Variants in FLACC1 observed in about 807,000 individuals in gnomAD.
FLACC1 encodes flagellum associated containing coiled-coil domains 1, also known as flagellum-associated coiled-coil domain-containing protein 1.
In FLACC1, 66 loss-of-function variants were observed where a neutral mutation model predicts 62.8. That is an observed-to-expected ratio of 1.05 (90% CI 0.86 to 1.29). The LOEUF is 1.29. Ranked by LOEUF, FLACC1 falls within the 50% of genes most tolerant of loss-of-function variation. The pLI, the probability that FLACC1 is intolerant of heterozygous loss-of-function variation, is 0.00. For missense variants in FLACC1, 452 were observed against 489.1 expected (o/e 0.92, Z 0.71); for synonymous variants, 156 against 161.0 (o/e 0.97, Z 0.24).
chr2:201,363,989 C>T, the FLACC1 span, among the ~76,000 whole-genome samples: 34,120 of 152,150 alleles, frequency 0.22, 4,198 homozygotes, highest in Non-Finnish European at 0.27. Flanking sequence ...CCCTCCCTCC[C>T]TGTGTCTGAG....
At chr2:201,344,491 C>T (rs1950875582) in intron 5 of FLACC1, among the ~76,000 whole-genome samples, 1 of 152,136 alleles carries the variant, frequency 6.6e-6, no homozygotes, top group African/African-American at 2.4e-5. Flanking sequence ...TGTGGGTAAG[C>T]TCACTAGACT....
At chr2:201,356,388 G>C (rs1263281127) in intron 1 of FLACC1, among the ~76,000 whole-genome samples, 1 of 152,174 alleles carries the variant, frequency 6.6e-6, no homozygotes, top group African/African-American at 2.4e-5. Context: ...TCAAACTCCT[G>C]ACTTCAGGTG....
At chr2:201,294,270 CAAT>C (rs1949806791) in intron 12 of FLACC1, among the ~76,000 whole-genome samples, 1 of 152,152 alleles carries the variant, frequency 6.6e-6, no homozygotes, top group African/African-American at 2.4e-5. Context: ...CAAAAATCCT[CAAT>C]AAAATACTGG....
At chr2:201,295,293 G>T (rs980227910) in intron 12 of FLACC1, among the ~76,000 whole-genome samples, 2 of 152,134 alleles carry the variant, frequency 1.3e-5, no homozygotes, top group Non-Finnish European at 2.9e-5. Context: ...AAAACAGCAT[G>T]GTACTGGTAC....
chr2:201,342,676 C>T (rs1245675535), intron 6 of FLACC1, among the ~76,000 whole-genome samples: 2 of 152,220 alleles, frequency 1.3e-5, no homozygotes, highest in Non-Finnish European at 2.9e-5. Flanking sequence ...AATGTTGGTG[C>T]ATCTCTTTCA....
intron 9 of FLACC1, among the ~76,000 whole-genome samples, chr2:201,320,829 C>A (rs1950389759): frequency 1.3e-5 from 2 of 152,180 alleles, no homozygotes; most frequent in Non-Finnish European, 2.9e-5. Context: ...CCAGAGTAAC[C>A]CCTCTGGACA....
At chr2:201,344,315 A>G (rs1226172427) in intron 5 of FLACC1, 52 bp from the exon 6 acceptor site, 1 of 1,451,462 alleles carries the variant, frequency 6.9e-7, no homozygotes, top group Non-Finnish European at 9.6e-7. Context: ...ATTCCATGCC[A>G]TTCAGGCCCC....
At chr2:201,342,454 C>T in intron 6 of FLACC1, 23 bp from the exon 7 acceptor site, 1 of 1,613,180 alleles carries the variant, frequency 6.2e-7, no homozygotes, top group Non-Finnish European at 8.5e-7. Context: ...TCAGCATCTA[C>T]AACACAGGAC....
Position 201,308,262 on chromosome 2 carries a change from G to A in FLACC1, c.776-640C>T, listed in dbSNP as rs145895136. Among the ~76,000 whole-genome samples, 11 of 152,282 alleles carry A rather than the reference G, an allele frequency of 7.2e-5. No individual in the cohort carries two copies. In the East Asian group the frequency reaches 1.7e-3, roughly 24 times the overall value. ...ACTTTAGCAACATGGGATGAGAGTC[G>A]TATGAGTAGCTAGAATCTGGGATAT... is the stretch of plus-strand genomic sequence containing the variant. On this transcript the variant is annotated intron_variant, in intron 10 of 14. Transcript: ENST00000392257.
intron 14 of FLACC1, 66 bp from the exon 15 acceptor site, chr2:201,288,847 G>C (rs1158402383): frequency 3.8e-6 from 6 of 1,559,660 alleles, no homozygotes; most frequent in Non-Finnish European, 4.3e-6. Context: ...AGGATATTTG[G>C]AGTGCAGGGA....
intron 7 of FLACC1, among the ~76,000 whole-genome samples, chr2:201,334,965 T>C (rs11898821): frequency 0.47 from 70,609 of 151,798 alleles, 17,149 homozygotes; most frequent in South Asian, 0.73. Flanking sequence ...TTATTCAATA[T>C]CATCTTTATT....
intron 7 of FLACC1, among the ~76,000 whole-genome samples, chr2:201,336,292 G>A (rs1317974555): frequency 2.0e-5 from 3 of 152,136 alleles, no homozygotes; most frequent in African/African-American, 7.2e-5. Flanking sequence ...AATTCACTTA[G>A]GATAATGGCC....
intron 9 of FLACC1, among the ~76,000 whole-genome samples, chr2:201,329,759 G>C (rs988998709): frequency 6.6e-6 from 1 of 152,090 alleles, no homozygotes; most frequent in Admixed American, 6.6e-5. Context: ...GAGGGGGAAG[G>C]GTGGAATAAC....
chr2:201,290,664 G>T (rs953949715), intron 12 of FLACC1, among the ~76,000 whole-genome samples: 5 of 152,142 alleles, frequency 3.3e-5, no homozygotes, highest in Admixed American at 6.5e-5. Context: ...TCTCACTGGG[G>T]ATTGTCAGAC....
At chr2:201,342,322 A>C in intron 7 of FLACC1, 48 bp downstream of exon 7, 1 of 1,594,972 alleles carries the variant, frequency 6.3e-7, no homozygotes, top group Non-Finnish European at 8.6e-7. Flanking sequence ...AGGATGCGGG[A>C]CCCTTAGAGC....
chr2:201,304,086 G>A lies in FLACC1; in HGVS notation c.879+3433C>T, dbSNP rs1024835860. Among the ~76,000 whole-genome samples, 7 of 152,216 alleles carry A rather than the reference G, an allele frequency of 4.6e-5. No homozygotes were observed. In the East Asian group the frequency reaches 1.4e-3, roughly 29 times the overall value. On this transcript the variant is annotated intron_variant, in intron 11 of 14. Coordinates refer to ENST00000392257, the MANE Select transcript of FLACC1 (RefSeq NM_001127391.3). ...TGTTGGAAGTTCTGGCCAGGGCAAT[G>A]AGGCAGGAGAAGGAAATAAAGGGTA...
At chr2:201,305,144 G>A (rs1030774844) in intron 11 of FLACC1, among the ~76,000 whole-genome samples, 2 of 152,168 alleles carry the variant, frequency 1.3e-5, no homozygotes, top group African/African-American at 4.8e-5. Flanking sequence ...GAGTGAACAT[G>A]CAACCTACAG....
At chr2:201,354,730 A>G (rs1951087338) in intron 1 of FLACC1, among the ~76,000 whole-genome samples, 1 of 152,212 alleles carries the variant, frequency 6.6e-6, no homozygotes, top group South Asian at 2.1e-4. Flanking sequence ...TTCCTGTACG[A>G]AAGGAGCCAA....
chr2:201,301,170 C>G (rs1008387690), intron 11 of FLACC1, among the ~76,000 whole-genome samples: 1 of 152,028 alleles, frequency 6.6e-6, no homozygotes, highest in African/African-American at 2.4e-5. Flanking sequence ...CACAAACAAG[C>G]TAAAAACCTT....
Sources: allele counts gnomAD v4.1 joint callset (sites outside exome capture counted in the v4.1 genomes callset), GRCh38; gene constraint gnomAD v4.1.1; transcripts MANE v1.5; gene names NCBI Gene and HGNC (gene_info 2026-07-23, HGNC 2026-07-21).